FILIP1: variants seen among roughly 807,000 people sequenced by gnomAD.
The protein encoded by FILIP1 is filamin A interacting protein 1.
FILIP1 carries 61 observed loss-of-function variants against 102.1 expected under a neutral mutation model. That is an observed-to-expected ratio of 0.60 (90% CI 0.49 to 0.74). The LOEUF (loss-of-function observed/expected upper bound fraction) is 0.74. FILIP1 is among the 30% of genes least tolerant of loss of function. FILIP1 has a pLI of 0.00. For missense variants in FILIP1, 1,314 were observed against 1,441.2 expected, an observed-to-expected ratio of 0.91 and a Z score of 1.43; for synonymous variants, 491 against 526.9, an observed-to-expected ratio of 0.93 and a Z score of 0.93.
At chr6:75,468,317 A>G (rs1302100673) in intron 1 of FILIP1, among the ~76,000 whole-genome samples, 2 of 152,232 alleles carry the variant, frequency 1.3e-5, no homozygotes, top group Non-Finnish European at 2.9e-5. Flanking sequence ...GAAATATAAT[A>G]GAGTTCTTTG....
intron 4 of FILIP1, among the ~76,000 whole-genome samples, chr6:75,352,425 GA>G (rs1444502215): frequency 1.3e-5 from 2 of 151,704 alleles, no homozygotes; most frequent in South Asian, 2.1e-4. Flanking sequence ...AAGATACTGG[GA>G]AAAAAAACAG....
chr6:75,387,123 G>A (rs1776124346), intron 2 of FILIP1, among the ~76,000 whole-genome samples: 1 of 152,040 alleles, frequency 6.6e-6, no homozygotes, highest in Non-Finnish European at 1.5e-5. Flanking sequence ...GTGGTGTTTG[G>A]TTTTCTGTTC....
At chr6:75,319,073 C>T (rs1773547352) in intron 4 of FILIP1, 1 of 738,372 alleles carries the variant, frequency 1.4e-6, no homozygotes, top group Non-Finnish European at 2.5e-6. Flanking sequence ...TCTTCACCTT[C>T]TTCCTCCTCT....
intron 2 of FILIP1, among the ~76,000 whole-genome samples, chr6:75,410,061 C>G (rs538910323): frequency 1.7e-4 from 26 of 152,174 alleles, no homozygotes; most frequent in Non-Finnish European, 3.2e-4. Flanking sequence ...TGCAATACCA[C>G]AGTATCAGTG....
chr6:75,453,946 C>T (rs1778728496), intron 1 of FILIP1: 1 of 456,474 alleles, frequency 2.2e-6, no homozygotes, highest in Non-Finnish European at 4.4e-6. Flanking sequence ...ACAAAGAACA[C>T]TGTATTAGTT....
intron 1 of FILIP1, among the ~76,000 whole-genome samples, chr6:75,450,207 G>C (rs1778580340): frequency 6.6e-6 from 1 of 152,076 alleles, no homozygotes; most frequent in Non-Finnish European, 1.5e-5. Flanking sequence ...TGAACTCCTG[G>C]CCTGAAGGGA....
chr6:75,429,421 T>C (rs1777744349), intron 1 of FILIP1, among the ~76,000 whole-genome samples: 1 of 152,200 alleles, frequency 6.6e-6, no homozygotes, highest in South Asian at 2.1e-4. Flanking sequence ...AAGGTCAATG[T>C]TACTTTCCAA....
At chr6:75,474,253 C>A (rs1469314012) in intron 1 of FILIP1, among the ~76,000 whole-genome samples, 1 of 152,124 alleles carries the variant, frequency 6.6e-6, no homozygotes, top group East Asian at 1.9e-4. Flanking sequence ...TTTATGTCTG[C>A]AGATTGTCAT....
chr6:75,408,233 T>C (rs757670556), intron 2 of FILIP1, among the ~76,000 whole-genome samples: 1 of 152,206 alleles, frequency 6.6e-6, no homozygotes, highest in Non-Finnish European at 1.5e-5. Context: ...ACGCAGGCCA[T>C]GCGGGCCAGT....
At chr6:75,331,833 A>T (rs1774095373) in intron 4 of FILIP1, among the ~76,000 whole-genome samples, 1 of 152,124 alleles carries the variant, frequency 6.6e-6, no homozygotes, top group Non-Finnish European at 1.5e-5. Flanking sequence ...TCACATTCCA[A>T]AATTTGTATA....
At chr6:75,293,801 C>T (rs1772599218) in exon 7 of FILIP1, 1 of 152,140 alleles carries the variant, frequency 6.6e-6, no homozygotes, top group Non-Finnish European at 1.5e-5. Flanking sequence ...ATTTTGCCAT[C>T]AGAGGTACAA....
At chr6:75,415,428 A>G (rs889334342) in intron 1 of FILIP1, among the ~76,000 whole-genome samples, 1 of 151,638 alleles carries the variant, frequency 6.6e-6, no homozygotes, top group African/African-American at 2.4e-5. Flanking sequence ...ATAAAATAAA[A>G]ATAAATAAAT....
chr6:75,314,373 A>G lies in FILIP1; in HGVS notation c.1459T>C (p.Leu487=), dbSNP rs2149550842. ...TTTAGGCTTAATTCAGCCTTTTCCAATCTACTTTCAGAACATTCCAATTCT... is the reference window on the plus strand; with the variant it reads ...TTTAGGCTTAATTCAGCCTTTTCCAGTCTACTTTCAGAACATTCCAATTCT... ...VKELECSESR[L]EKAELSLKDD... Residue 487 remains leucine (L), a synonymous_variant, in exon 5 of 6, where the codon TTG becomes CTG. Coordinates refer to ENST00000237172, the MANE Select transcript of FILIP1 (RefSeq NM_015687.5). 3 of 1,519,622 alleles carry G rather than the reference A, an allele frequency of 2.0e-6. No homozygotes were observed. In the South Asian group the frequency reaches 4.1e-5, roughly 21 times the overall value. The allele number at this position is 1,519,622 out of a possible 1,614,324, so 94.1% of individuals were successfully genotyped here.
At chr6:75,476,837 G>A (rs181772171) in intron 1 of FILIP1, among the ~76,000 whole-genome samples, 1 of 152,062 alleles carries the variant, frequency 6.6e-6, no homozygotes. Flanking sequence ...TTAAAACCTA[G>A]AGTCATGACA....
chr6:75,358,517 A>G (rs1317056476), intron 3 of FILIP1: 1 of 152,140 alleles, frequency 6.6e-6, no homozygotes, highest in Non-Finnish European at 1.5e-5. Flanking sequence ...ATGGGCTGAC[A>G]GTCTTTCATG....
At chr6:75,442,382 C>T (rs1778294973) in intron 1 of FILIP1, among the ~76,000 whole-genome samples, 1 of 152,218 alleles carries the variant, frequency 6.6e-6, no homozygotes, top group African/African-American at 2.4e-5. Flanking sequence ...ACTCTCGGCA[C>T]TTTGGGAGGC....
chr6:75,410,981 T>C (rs563784143), intron 2 of FILIP1, among the ~76,000 whole-genome samples: 2 of 152,366 alleles, frequency 1.3e-5, no homozygotes, highest in South Asian at 4.1e-4. Flanking sequence ...TTCTAGATCC[T>C]TGAGGAATCT....
At chr6:75,349,741 C>G (rs1223055795) in intron 4 of FILIP1, among the ~76,000 whole-genome samples, 1 of 152,204 alleles carries the variant, frequency 6.6e-6, no homozygotes, top group Non-Finnish European at 1.5e-5. Flanking sequence ...CGGCGGGAGC[C>G]TCCTGGAGAG....
Position 75,315,115 on chromosome 6 carries a change from C to G in FILIP1, c.717G>C (p.Glu239Asp), listed in dbSNP as rs1562445887. ...NAKRLNKLRD[E>D]LVKLKSFALM... is the part of the protein sequence containing the mutation. The stretch of plus-strand genomic sequence containing the variant: ...GTGCAAAGGATTTGAGTTTAACAAG[C>G]TCATCTCTTAGTTTATTGAGTCGTT... Residue 239 changes from glutamate (E) to aspartate (D), a missense_variant, in exon 5 of 6, where the codon GAG becomes GAC. Glu to Asp is a conservative substitution (Grantham distance 45). Around this residue, in one of 3 missense-constraint regions of FILIP1, gnomAD observed 494 missense variants for 511.2 expected, o/e 0.97. Transcript: ENST00000237172. 1 of 1,612,166 alleles carries G rather than the reference C, an allele frequency of 6.2e-7. No homozygotes were observed. The highest frequency in any genetic ancestry group is 8.5e-7 in the Non-Finnish European group (1 of 1,179,496).
Sources: allele counts gnomAD v4.1 joint callset (sites outside exome capture counted in the v4.1 genomes callset), GRCh38; gene constraint gnomAD v4.1.1; regional missense constraint gnomAD v4.1.1; transcripts MANE v1.5; gene names NCBI Gene and HGNC (gene_info 2026-07-23, HGNC 2026-07-21).